Variants in SIPA1L3 observed in about 807,000 individuals in gnomAD.
SIPA1L3 encodes the protein signal induced proliferation associated 1 like 3.
SIPA1L3 carries 59 observed loss-of-function variants against 150.1 expected under a neutral mutation model. That is an observed-to-expected ratio of 0.39 (90% confidence interval 0.32 to 0.49). SIPA1L3 has a LOEUF of 0.49. Ranked by LOEUF, SIPA1L3 falls within the 20% of genes least tolerant of loss-of-function variation. The probability of loss-of-function intolerance (pLI) is 0.86; values close to 1 mark genes in which losing one functional copy is unlikely to be tolerated. For missense variants in SIPA1L3, 2,211 were observed against 2,489.5 expected, an observed-to-expected ratio of 0.89 and a Z score of 2.38; for synonymous variants, 1,070 against 1,077.6, an observed-to-expected ratio of 0.99 and a Z score of 0.14.
chr19:37,958,922 A>C (rs1314352178), intron 1 of SIPA1L3, among the ~76,000 whole-genome samples: 1 of 152,268 alleles, frequency 6.6e-6, no homozygotes, highest in African/African-American at 2.4e-5. Flanking sequence ...CTATAAGCAC[A>C]TGAAAATGGC....
chr19:38,163,579 G>A (rs568652582), intron 14 of SIPA1L3, among the ~76,000 whole-genome samples: 1 of 152,154 alleles, frequency 6.6e-6, no homozygotes, highest in African/African-American at 2.4e-5. Flanking sequence ...GCCTTTGAGG[G>A]GGTGACCTTT....
At chr19:38,189,555 C>T (rs1217563346) in intron 16 of SIPA1L3, among the ~76,000 whole-genome samples, 4 of 152,074 alleles carry the variant, frequency 2.6e-5, no homozygotes, top group African/African-American at 7.2e-5. Context: ...CACCTGAGGT[C>T]GGGAGTTCAA....
intron 10 of SIPA1L3, chr19:38,131,837 T>C (rs1208330057): frequency 1.8e-5 from 2 of 112,270 alleles, no homozygotes; most frequent in Non-Finnish European, 3.8e-5. Context: ...TTCACCATGT[T>C]GTCCAGGATG....
chr19:37,993,952 TGGCACAATCATA>T (rs1967573967), intron 1 of SIPA1L3, among the ~76,000 whole-genome samples: 1 of 152,202 alleles, frequency 6.6e-6, no homozygotes, highest in Non-Finnish European at 1.5e-5. Flanking sequence ...TGGAGAGCAG[TGGCACAATCATA>T]GCTCACTGCA....
intron 3 of SIPA1L3, among the ~76,000 whole-genome samples, 154 bp from the exon 4 acceptor site, chr19:38,088,567 G>A (rs1329196235): frequency 6.6e-6 from 1 of 152,180 alleles, no homozygotes; most frequent in African/African-American, 2.4e-5. Flanking sequence ...TGTCTCCACT[G>A]GGGGTGTCTG....
At chr19:37,937,160 G>T (rs1196210649) in intron 1 of SIPA1L3, among the ~76,000 whole-genome samples, 1 of 152,104 alleles carries the variant, frequency 6.6e-6, no homozygotes, top group African/African-American at 2.4e-5. Flanking sequence ...ACCATACCTG[G>T]CCTGTATTAA....
At chr19:37,954,280 T>A (rs1237567626) in intron 1 of SIPA1L3, among the ~76,000 whole-genome samples, 1 of 152,188 alleles carries the variant, frequency 6.6e-6, no homozygotes, top group Non-Finnish European at 1.5e-5. Context: ...CAGAAAATCC[T>A]ATTTTTAAAG....
intron 10 of SIPA1L3, 149 bp from the exon 11 acceptor site, chr19:38,141,035 G>A (rs964632294): frequency 7.2e-5 from 63 of 881,090 alleles, no homozygotes; most frequent in Admixed American, 1.0e-4. Flanking sequence ...TCCAGCCTGG[G>A]CGACAAAGCA....
intron 12 of SIPA1L3, among the ~76,000 whole-genome samples, chr19:38,150,201 T>C (rs540756317): frequency 6.6e-6 from 1 of 152,336 alleles, no homozygotes; most frequent in African/African-American, 2.4e-5. Context: ...TTTCCTTTCC[T>C]GGAGGTGTCA....
chr19:37,994,783 T>C (rs995220483), intron 1 of SIPA1L3, among the ~76,000 whole-genome samples: 3 of 152,196 alleles, frequency 2.0e-5, no homozygotes, highest in Admixed American at 2.0e-4. Flanking sequence ...ATGTGATCTT[T>C]CGATCTGTCA....
At chr19:37,929,153 A>G (rs2145496071) in intron 1 of SIPA1L3, among the ~76,000 whole-genome samples, 1 of 152,324 alleles carries the variant, frequency 6.6e-6, no homozygotes, top group East Asian at 1.9e-4. Context: ...CAGAGAAACC[A>G]GCCAAGGGCC....
chr19:38,171,437 G>C (rs1348777070), intron 15 of SIPA1L3, among the ~76,000 whole-genome samples: 3 of 136,128 alleles, frequency 2.2e-5, no homozygotes, highest in Non-Finnish European at 4.6e-5. Context: ...TTGTTGCCCA[G>C]GCTGCAGTGC....
At chr19:38,185,744 T>C (rs1339499065) in intron 16 of SIPA1L3, 1 of 152,060 alleles carries the variant, frequency 6.6e-6, no homozygotes, top group Non-Finnish European at 1.5e-5. Flanking sequence ...GTGCCCACAT[T>C]TCCTCTTTCT....
At chr19:37,914,374 ATT>A (rs3049664) in intron 1 of SIPA1L3, among the ~76,000 whole-genome samples, 1 of 144,496 alleles carries the variant, frequency 6.9e-6, no homozygotes. Context: ...TACTACTTTA[ATT>A]TTTTTTTTTT....
chr19:37,941,321 C>G (rs1001360592), intron 1 of SIPA1L3, among the ~76,000 whole-genome samples: 7 of 152,098 alleles, frequency 4.6e-5, no homozygotes, highest in Non-Finnish European at 8.8e-5. Flanking sequence ...ATTAGTGGGA[C>G]TATTCCTCTA....
At position 38,046,796 on chromosome 19, in the gene SIPA1L3, C is replaced by G. The variant is rs941733250; in HGVS notation, c.-311+17640C>G. On this transcript the variant is annotated intron_variant, in intron 2 of 21. Transcript: ENST00000222345. This position sits in a 1 kb window ranked among gnomAD's most constrained non-coding sequence, Gnocchi z 5.6. ...CTCAGTAAGTGGAGGGCTTTGCTGTCCCTTCTGCTGTACCCACAGCTGCCC... is the reference window on the plus strand; with the variant it reads ...CTCAGTAAGTGGAGGGCTTTGCTGTGCCTTCTGCTGTACCCACAGCTGCCC... Among the ~76,000 whole-genome samples, 1 of 152,166 alleles carries G rather than the reference C, an allele frequency of 6.6e-6. No individual in the cohort carries two copies. Among genetic ancestry groups the G allele is most frequent in the Admixed American group, 6.5e-5 (1 of 15,284 alleles).
intron 1 of SIPA1L3, among the ~76,000 whole-genome samples, chr19:37,917,244 T>C (rs900895795): frequency 6.6e-6 from 1 of 152,184 alleles, no homozygotes; most frequent in Non-Finnish European, 1.5e-5. Context: ...TACATGTGGC[T>C]AATGGCTACC....
chr19:38,049,116 G>C (rs1384287066), intron 2 of SIPA1L3, among the ~76,000 whole-genome samples: 2 of 152,012 alleles, frequency 1.3e-5, no homozygotes, highest in East Asian at 1.9e-4. Context: ...GGGGCAAGTG[G>C]AGTCTGGCTG....
At chr19:37,946,215 C>T (rs1162791987) in intron 1 of SIPA1L3, among the ~76,000 whole-genome samples, 3 of 151,916 alleles carry the variant, frequency 2.0e-5, no homozygotes, top group Non-Finnish European at 4.4e-5. Flanking sequence ...ACTTGTATTC[C>T]GGAAGGGTCC....
Sources: allele counts gnomAD v4.1 joint callset (sites outside exome capture counted in the v4.1 genomes callset), GRCh38; gene constraint gnomAD v4.1.1; non-coding constraint Gnocchi (gnomAD v3.1); transcripts MANE v1.5; gene names NCBI Gene and HGNC (gene_info 2026-07-23, HGNC 2026-07-21).